Variants in CRIM1 observed in about 807,000 individuals in gnomAD.
CRIM1 encodes the protein cysteine-rich motor neuron 1 protein.
In CRIM1, 32 loss-of-function variants were observed where a neutral mutation model predicts 116.4. That is an observed-to-expected ratio of 0.27 (90% CI 0.21 to 0.37). The LOEUF is 0.37. Ranked by LOEUF, CRIM1 falls within the 10% of genes least tolerant of loss-of-function variation. CRIM1 has a pLI of 1.00. For synonymous variants in CRIM1, 590 were observed against 509.2 expected, an observed-to-expected ratio of 1.16 and a Z score of -2.13; for missense variants, 1,331 against 1,354.8, an observed-to-expected ratio of 0.98 and a Z score of 0.28.
chr2:36,393,481 A>G (rs142682730), intron 1 of CRIM1, among the ~76,000 whole-genome samples: 67 of 152,222 alleles, frequency 4.4e-4, no homozygotes, highest in South Asian at 8.3e-4. Flanking sequence ...ATGTGTGTCT[A>G]TATACACATA....
chr2:36,397,226 A>C (rs150470361), intron 2 of CRIM1, among the ~76,000 whole-genome samples: 59 of 152,290 alleles, frequency 3.9e-4, no homozygotes, highest in African/African-American at 1.4e-3. Flanking sequence ...TTGAAGGCTT[A>C]GGTTGGTTTT....
intron 2 of CRIM1, among the ~76,000 whole-genome samples, chr2:36,432,831 A>T (rs1010285816): frequency 5.9e-5 from 9 of 152,132 alleles, no homozygotes; most frequent in African/African-American, 2.2e-4. Context: ...CACTTCCAGT[A>T]ATTCTGTTTA....
At chr2:36,399,743 G>A (rs950212966) in intron 2 of CRIM1, among the ~76,000 whole-genome samples, 3 of 152,198 alleles carry the variant, frequency 2.0e-5, no homozygotes, top group East Asian at 3.8e-4. Context: ...GATTGCAGGA[G>A]CAAAGACTTT....
intron 8 of CRIM1, among the ~76,000 whole-genome samples, chr2:36,501,981 T>C (rs114870773): frequency 0.01 from 1,552 of 152,334 alleles, 38 homozygotes; most frequent in African/African-American, 0.036. Flanking sequence ...ATGAAGTGTT[T>C]ATATTTTAAT....
At chr2:36,391,169 A>G (rs1308453425) in intron 1 of CRIM1, among the ~76,000 whole-genome samples, 1 of 107,138 alleles carries the variant, frequency 9.3e-6, no homozygotes, top group African/African-American at 3.9e-5. Context: ...TTGCTCTGTC[A>G]CCCAGGCTGG....
At chr2:36,375,240 G>T (rs1670237800) in intron 1 of CRIM1, among the ~76,000 whole-genome samples, 1 of 152,068 alleles carries the variant, frequency 6.6e-6, no homozygotes, top group East Asian at 1.9e-4. Context: ...TCCAGCAAGG[G>T]ACCTACAAAA....
intron 2 of CRIM1, among the ~76,000 whole-genome samples, chr2:36,429,268 A>G (rs904210936): frequency 6.6e-6 from 1 of 152,214 alleles, no homozygotes; most frequent in African/African-American, 2.4e-5. Flanking sequence ...TTGTGGAATC[A>G]TGATGTCCCG....
chr2:36,399,849 A>G lies in CRIM1; in HGVS notation c.505+3062A>G, dbSNP rs571461418. On this transcript the variant is annotated intron_variant, in intron 2 of 16. Transcript: ENST00000280527. ...ATGGAAGAAAGGGTGTGGAAAATCA[A>G]AGAGAAAGAGGAAAATGTAAACAGA... Among the ~76,000 whole-genome samples, 5 of 152,360 alleles carry G rather than the reference A, an allele frequency of 3.3e-5. No homozygotes were observed. The South Asian group carries it at 1.0e-3, about 32-fold the overall frequency.
At chr2:36,382,066 C>A (rs145477151) in intron 1 of CRIM1, among the ~76,000 whole-genome samples, 54 of 152,286 alleles carry the variant, frequency 3.5e-4, no homozygotes, top group South Asian at 2.5e-3. Context: ...ATATGCCCAG[C>A]AGCTCTTTGC....
chr2:36,441,736 TTTC>T (rs1263886841), intron 3 of CRIM1, among the ~76,000 whole-genome samples: 1 of 152,100 alleles, frequency 6.6e-6, no homozygotes, highest in African/African-American at 2.4e-5. Context: ...CTTTTCCTCT[TTTC>T]TTCTTTTTTT....
chr2:36,509,778 TTTTG>T (rs1248731549), intron 8 of CRIM1, among the ~76,000 whole-genome samples: 2 of 152,200 alleles, frequency 1.3e-5, no homozygotes, highest in Non-Finnish European at 2.9e-5. Flanking sequence ...TTGGACTTTA[TTTTG>T]TTTATTATTA....
intron 13 of CRIM1, among the ~76,000 whole-genome samples, chr2:36,533,662 C>T (rs1666272304): frequency 6.6e-6 from 1 of 152,152 alleles, no homozygotes; most frequent in Admixed American, 6.5e-5. Flanking sequence ...TGTTCTTTCT[C>T]ATAATATCAT....
Position 36,356,655 on chromosome 2 carries a change from CTGGCCTG to C in CRIM1, c.331+33_331+39del. On this transcript the variant is annotated intron_variant, in intron 1 of 16. Coordinates refer to ENST00000280527, the MANE Select transcript of CRIM1 (RefSeq NM_016441.3). The surrounding 1 kb of genome is among the most constrained non-coding windows in gnomAD (Gnocchi z 4.3). Reference sequence around the variant, plus strand: ...CCGCCCGCTGCGGGCCCCCTCCCACCTGGCCTGCGCCGCCCCCTCGGCGCTGGTTGTG... The same window carrying C: ...CCGCCCGCTGCGGGCCCCCTCCCACCCGCCGCCCCCTCGGCGCTGGTTGTG... 1 of 1,575,930 alleles carries C rather than the reference CTGGCCTG, an allele frequency of 6.3e-7. No homozygotes were observed.
chr2:36,381,525 A>T (rs554603703), intron 1 of CRIM1, among the ~76,000 whole-genome samples: 2 of 152,322 alleles, frequency 1.3e-5, no homozygotes, highest in South Asian at 4.1e-4. Flanking sequence ...GTAGGAGAGG[A>T]CAAAGGTGAT....
intron 7 of CRIM1, among the ~76,000 whole-genome samples, chr2:36,484,638 T>A (rs72866823): frequency 0.032 from 4,818 of 152,242 alleles, 230 homozygotes; most frequent in African/African-American, 0.11. Context: ...CCTTCTCATC[T>A]TGGGCTGCGG....
In CRIM1 at chr2:36,358,125, ATT is replaced by A. The variant is rs1668979126; in HGVS notation, c.331+1503_331+1504del. 3.4e-5 allele frequency among the ~76,000 whole-genome samples: 3 copies of A among 87,644 alleles called. No individual in the cohort carries two copies. The Admixed American group carries it at 3.8e-4, about 11-fold the overall frequency. The allele number at this position is 87,644 out of a possible 152,430, so 57.5% of individuals were successfully genotyped here. On this transcript the variant is annotated intron_variant, in intron 1 of 16. Coordinates refer to ENST00000280527, the MANE Select transcript of CRIM1 (RefSeq NM_016441.3). ...TCTTGCTTTGCTGCACACGTAAGACATTGGGTTAGAAGAGATCATTTGCCTGA... is the reference window on the plus strand; with the variant it reads ...TCTTGCTTTGCTGCACACGTAAGACAGGGTTAGAAGAGATCATTTGCCTGA...
intron 13 of CRIM1, among the ~76,000 whole-genome samples, chr2:36,533,063 T>C (rs1300467722): frequency 6.6e-6 from 1 of 152,224 alleles, no homozygotes; most frequent in African/African-American, 2.4e-5. Context: ...TATTTCTACA[T>C]CCCTCTTCAG....
intron 13 of CRIM1, among the ~76,000 whole-genome samples, chr2:36,532,183 G>A (rs1666165668): frequency 6.6e-6 from 1 of 152,244 alleles, no homozygotes; most frequent in South Asian, 2.1e-4. Context: ...GCCATCGCAA[G>A]AGGAAAATTC....
chr2:36,415,794 A>G (rs537274903), intron 2 of CRIM1, among the ~76,000 whole-genome samples: 1 of 152,266 alleles, frequency 6.6e-6, no homozygotes, highest in East Asian at 1.9e-4. Flanking sequence ...TACTTAGTCT[A>G]TGTCTGTGTG....
Sources: allele counts gnomAD v4.1 joint callset (sites outside exome capture counted in the v4.1 genomes callset), GRCh38; gene constraint gnomAD v4.1.1; non-coding constraint Gnocchi (gnomAD v3.1); transcripts MANE v1.5; gene names NCBI Gene and HGNC (gene_info 2026-07-23, HGNC 2026-07-21).